Variants in XKR9 observed in about 807,000 individuals in gnomAD.
The protein encoded by XKR9 is XK-related protein 9.
Under a neutral mutation model 32.0 loss-of-function variants are expected in XKR9, and 32 were observed. The ratio of observed to expected loss-of-function variants is 1.00; its 90% CI spans 0.76 to 1.34. XKR9 has a LOEUF of 1.34. Ranked by LOEUF, XKR9 falls within the 40% of genes most tolerant of loss-of-function variation. The probability of loss-of-function intolerance (pLI) is 0.00; values close to 1 mark genes in which losing one functional copy is unlikely to be tolerated. For missense variants in XKR9, 546 were observed against 429.7 expected, an observed-to-expected ratio of 1.27 and a Z score of -2.39; for synonymous variants, 168 against 143.4, an observed-to-expected ratio of 1.17 and a Z score of -1.22.
intron 3 of XKR9, among the ~76,000 whole-genome samples, chr8:70,695,455 A>G (rs1805234082): frequency 6.6e-6 from 1 of 150,878 alleles, no homozygotes; most frequent in African/African-American, 2.4e-5. Flanking sequence ...GTGATAGTTT[A>G]CTGAGAATGA....
chr8:70,994,125 A>C, the XKR9 span, among the ~76,000 whole-genome samples: 7 of 152,152 alleles, frequency 4.6e-5, no homozygotes, highest in Non-Finnish European at 1.0e-4. Flanking sequence ...TAAGTTACCC[A>C]GTTTGTGGTA....
At chr8:70,856,543 T>C in the XKR9 span, among the ~76,000 whole-genome samples, 9 of 152,278 alleles carry the variant, frequency 5.9e-5, no homozygotes, top group Middle Eastern at 3.4e-3. Flanking sequence ...AACAGCCCAC[T>C]GTCAACTTTA....
chr8:70,986,714 T>G, the XKR9 span, among the ~76,000 whole-genome samples: 1 of 152,222 alleles, frequency 6.6e-6, no homozygotes, highest in East Asian at 1.9e-4. Context: ...TTTAAAACAC[T>G]TCTTACTAGC....
At chr8:70,923,078 G>A in the XKR9 span, among the ~76,000 whole-genome samples, 4 of 152,306 alleles carry the variant, frequency 2.6e-5, no homozygotes, top group Non-Finnish European at 4.4e-5. Context: ...GACACATTTC[G>A]CCTTTCTTCA....
intron 2 of XKR9, among the ~76,000 whole-genome samples, chr8:70,749,685 G>A (rs944219054): frequency 1.3e-5 from 2 of 152,228 alleles, no homozygotes; most frequent in African/African-American, 4.8e-5. Flanking sequence ...AGTAGTGTGA[G>A]TTGAGCGCAG....
the XKR9 span, among the ~76,000 whole-genome samples, chr8:70,809,795 A>G: frequency 6.6e-6 from 1 of 152,262 alleles, no homozygotes; most frequent in Admixed American, 6.5e-5. Flanking sequence ...CTATGTGAAA[A>G]GATGAAATCC....
At chr8:70,684,445 A>G (rs1819189919) in intron 3 of XKR9, among the ~76,000 whole-genome samples, 1 of 152,166 alleles carries the variant, frequency 6.6e-6, no homozygotes, top group Admixed American at 6.5e-5. Flanking sequence ...TTTCACTTGT[A>G]CTAAGTATAC....
At chr8:70,685,551 G>T (rs1819240064) in intron 3 of XKR9, among the ~76,000 whole-genome samples, 2 of 149,850 alleles carry the variant, frequency 1.3e-5, no homozygotes, top group African/African-American at 4.9e-5. Context: ...ATACTATGCA[G>T]CCATAAAAAA....
downstream of XKR9, among the ~76,000 whole-genome samples, chr8:70,792,265 C>T (rs186324458): frequency 2.1e-4 from 32 of 152,152 alleles, no homozygotes; most frequent in African/African-American, 7.2e-4. Flanking sequence ...ATTCCTATCT[C>T]CAAGGGCTCA....
chr8:70,697,409 G>T (rs2132149436), intron 3 of XKR9, among the ~76,000 whole-genome samples: 1 of 151,680 alleles, frequency 6.6e-6, no homozygotes, highest in African/African-American at 2.4e-5. Flanking sequence ...GTTGAATTTT[G>T]TCAAAGGCCT....
At chr8:70,921,762 C>A in the XKR9 span, among the ~76,000 whole-genome samples, 1 of 152,186 alleles carries the variant, frequency 6.6e-6, no homozygotes, top group Admixed American at 6.5e-5. Context: ...CAAGTCTCTG[C>A]TTCTGCTAAT....
the XKR9 span, among the ~76,000 whole-genome samples, chr8:70,806,819 T>C: frequency 2.0e-5 from 3 of 151,826 alleles, no homozygotes; most frequent in Non-Finnish European, 4.4e-5. Context: ...AGGAGGAGAA[T>C]GGAGACAAGC....
intron 4 of XKR9, among the ~76,000 whole-genome samples, chr8:70,719,510 G>C (rs974725605): frequency 2.6e-5 from 4 of 152,250 alleles, no homozygotes; most frequent in Admixed American, 2.6e-4. Context: ...TCAAGTTTCA[G>C]TTTTCTGCAT....
At chr8:70,837,077 T>C in the XKR9 span, among the ~76,000 whole-genome samples, 138 of 152,198 alleles carry the variant, frequency 9.1e-4, no homozygotes, top group Non-Finnish European at 1.4e-3. Context: ...TCTAGGTCTA[T>C]GACGAGCGGG....
intron 2 of XKR9, among the ~76,000 whole-genome samples, chr8:70,677,140 A>G (rs1487072047): frequency 6.9e-6 from 1 of 145,702 alleles, no homozygotes; most frequent in African/African-American, 2.4e-5. Context: ...AAAAAATAAA[A>G]AAAATCTTTT....
chr8:70,873,928 G>A, the XKR9 span, among the ~76,000 whole-genome samples: 1 of 152,136 alleles, frequency 6.6e-6, no homozygotes, highest in South Asian at 2.1e-4. Context: ...TTAACAAATT[G>A]CCACATCATC....
At chr8:70,959,099 A>G in the XKR9 span, among the ~76,000 whole-genome samples, 1,559 of 152,272 alleles carry the variant, frequency 0.01, 33 homozygotes, top group African/African-American at 0.036. Flanking sequence ...TTTATAAATC[A>G]GAAATGAACA....
chr8:70,776,947 C>CTCTCTCTCTCTCTATATATATA lies in XKR9; in HGVS notation n.353-12391_353-12390insCTCTCTCTCTCTATATATATAT. Reference sequence around the variant, plus strand: ...TTTCTCTCTCTCTCTCTCTCTCTCTCTATATATATATATATATGTATGTAT... The same window carrying CTCTCTCTCTCTCTATATATATA: ...TTTCTCTCTCTCTCTCTCTCTCTCTCTCTCTCTCTCTCTATATATATATATATATATATATATATGTATGTAT... On this transcript the variant is annotated intron_variant and non_coding_transcript_variant, in intron 2 of 3. Coordinates refer to the XKR9 transcript ENST00000520273. Among the ~76,000 whole-genome samples, 445 of 54,134 alleles carry CTCTCTCTCTCTCTATATATATA rather than the reference C, an allele frequency of 8.2e-3. 11 individuals are homozygous for CTCTCTCTCTCTCTATATATATA. The highest frequency in any genetic ancestry group is 0.031 in the Admixed American group (123 of 4,026). The allele number at this position is 54,134 out of a possible 152,430, so 35.5% of individuals were successfully genotyped here.
At chr8:70,697,094 G>C (rs1385810786) in intron 3 of XKR9, among the ~76,000 whole-genome samples, 1 of 150,890 alleles carries the variant, frequency 6.6e-6, no homozygotes, top group Admixed American at 6.6e-5. Context: ...CTGAGACAAT[G>C]GGGTTTTCTA....
Sources: allele counts gnomAD v4.1 joint callset (sites outside exome capture counted in the v4.1 genomes callset), GRCh38; gene constraint gnomAD v4.1.1; transcripts MANE v1.5; gene names NCBI Gene and HGNC (gene_info 2026-07-23, HGNC 2026-07-21).